RAB10: variants seen among roughly 807,000 people sequenced by gnomAD.
The protein encoded by RAB10 is ras-related protein Rab-10.
Under a neutral mutation model 25.7 loss-of-function variants are expected in RAB10, and 5 were observed. That is an observed-to-expected ratio of 0.19 (90% CI 0.10 to 0.41). The LOEUF is 0.41. RAB10 is among the 10% of genes least tolerant of loss of function. The pLI, the probability that RAB10 is intolerant of heterozygous loss-of-function variation, is 1.00. For synonymous variants in RAB10, 89 were observed against 86.4 expected, an observed-to-expected ratio of 1.03 and a Z score of -0.16; for missense variants, 103 against 245.8, an observed-to-expected ratio of 0.42 and a Z score of 3.89.
At chr2:26,070,127 T>A (rs1352222514) in intron 1 of RAB10, among the ~76,000 whole-genome samples, 1 of 152,248 alleles carries the variant, frequency 6.6e-6, no homozygotes, top group East Asian at 1.9e-4. Context: ...CACGAATTCT[T>A]CTAGAGATCC....
At chr2:26,058,506 T>G (rs1666315544) in intron 1 of RAB10, among the ~76,000 whole-genome samples, 1 of 152,122 alleles carries the variant, frequency 6.6e-6, no homozygotes, top group African/African-American at 2.4e-5. Flanking sequence ...CAAGCAGTCC[T>G]CCCACCTCAG....
At chr2:26,036,922 G>C (rs1413203498) in intron 1 of RAB10, among the ~76,000 whole-genome samples, 1 of 151,928 alleles carries the variant, frequency 6.6e-6, no homozygotes, top group African/African-American at 2.4e-5. Context: ...GAGTAGCAGA[G>C]ACTACAGGTG....
At chr2:26,090,885 G>A (rs1325960771) in intron 1 of RAB10, among the ~76,000 whole-genome samples, 2 of 151,070 alleles carry the variant, frequency 1.3e-5, no homozygotes, top group Non-Finnish European at 2.9e-5. Flanking sequence ...AGTGAGCTGA[G>A]ATCATGCCAC....
chr2:26,078,341 C>T (rs186986104), intron 1 of RAB10, among the ~76,000 whole-genome samples: 31 of 152,168 alleles, frequency 2.0e-4, no homozygotes, highest in Non-Finnish European at 4.6e-4. Flanking sequence ...TATGGAAATA[C>T]AGAGGACCCT....
chr2:26,115,407 C>T (rs190667541), intron 3 of RAB10, among the ~76,000 whole-genome samples: 220 of 152,094 alleles, frequency 1.4e-3, no homozygotes, highest in African/African-American at 5.2e-3. Flanking sequence ...CATCACTCAG[C>T]CATTAAAAGG....
chr2:26,067,513 A>G (rs576837294), intron 1 of RAB10, among the ~76,000 whole-genome samples: 1 of 152,222 alleles, frequency 6.6e-6, no homozygotes, highest in Non-Finnish European at 1.5e-5. Flanking sequence ...GCCATGGCAC[A>G]GATGATGGAT....
At chr2:26,126,492 C>A (rs934102752) in intron 3 of RAB10, among the ~76,000 whole-genome samples, 2 of 152,138 alleles carry the variant, frequency 1.3e-5, no homozygotes, top group African/African-American at 4.8e-5. Context: ...ACTCAAGAGG[C>A]TAAGGCAGGA....
chr2:26,051,161 TC>T (rs1666123797), intron 1 of RAB10, among the ~76,000 whole-genome samples: 1 of 152,138 alleles, frequency 6.6e-6, no homozygotes, highest in Non-Finnish European at 1.5e-5. Context: ...TGATCTTAAC[TC>T]CTGGGCTCAA....
chr2:26,069,767 A>G (rs1475373409), intron 1 of RAB10, among the ~76,000 whole-genome samples: 3 of 151,018 alleles, frequency 2.0e-5, no homozygotes, highest in African/African-American at 7.3e-5. Context: ...GAGCAGTGGC[A>G]TGATCTCATC....
chr2:26,117,253 T>A (rs1667709325), intron 3 of RAB10, among the ~76,000 whole-genome samples: 1 of 152,096 alleles, frequency 6.6e-6, no homozygotes, highest in Non-Finnish European at 1.5e-5. Context: ...ACTCTTGGGA[T>A]CAGTGTTTTT....
chr2:26,095,372 C>A (rs988809390), intron 1 of RAB10, among the ~76,000 whole-genome samples: 3 of 152,068 alleles, frequency 2.0e-5, no homozygotes, highest in Admixed American at 2.0e-4. Flanking sequence ...CTTTAGGAGG[C>A]CAAGGTGGGC....
At chr2:26,115,859 TG>T (rs1159615246) in intron 3 of RAB10, among the ~76,000 whole-genome samples, 6 of 91,156 alleles carry the variant, frequency 6.6e-5, no homozygotes, top group Non-Finnish European at 9.7e-5. Context: ...TTGTTATTAC[TG>T]TTTTTTTTTT....
intron 1 of RAB10, among the ~76,000 whole-genome samples, chr2:26,081,727 G>A (rs541372646): frequency 6.6e-6 from 1 of 152,046 alleles, no homozygotes; most frequent in South Asian, 2.1e-4. Context: ...AAGTTATTTC[G>A]AAATAAAAAG....
At chr2:26,099,211 A>AATGTGTTTT (rs11281600) in intron 2 of RAB10, among the ~76,000 whole-genome samples, 125,704 of 151,674 alleles carry the variant, frequency 0.83, 52,425 homozygotes, top group African/African-American at 0.93. Flanking sequence ...TTTTCCAGCA[A>AATGTGTTTT]ATGTGTATTA....
chr2:26,068,805 A>T lies in RAB10; in HGVS notation c.128-29857A>T, dbSNP rs552322887. ...TCCTCAGACGTTGTGGGCAAGGCTT[A>T]AAACCAGCTAAGCAAATTTAGTGAT... On this transcript the variant is annotated intron_variant, in intron 1 of 5. Transcript: ENST00000264710. Among the ~76,000 whole-genome samples the T allele has an allele frequency of 3.7e-4, 56 of 152,344 alleles. No homozygotes were observed. The South Asian group carries it at 3.9e-3, about 11-fold the overall frequency.
chr2:26,077,051 G>A (rs1009332170), intron 1 of RAB10, among the ~76,000 whole-genome samples: 3 of 151,978 alleles, frequency 2.0e-5, no homozygotes, highest in South Asian at 2.1e-4. Context: ...AATTACACAT[G>A]CCAAATTTAA....
At chr2:26,122,367 G>A (rs1667822149) in intron 3 of RAB10, among the ~76,000 whole-genome samples, 2 of 152,278 alleles carry the variant, frequency 1.3e-5, no homozygotes, top group South Asian at 2.1e-4. Flanking sequence ...GGTGGCTCAC[G>A]CCTGTAATCC....
At chr2:26,100,629 G>C (rs1359215562) in intron 2 of RAB10, among the ~76,000 whole-genome samples, 1 of 152,152 alleles carries the variant, frequency 6.6e-6, no homozygotes, top group Non-Finnish European at 1.5e-5. Flanking sequence ...CAGGCCAGAG[G>C]CATATCAATC....
At chr2:26,050,960 C>T (rs776397014) in intron 1 of RAB10, among the ~76,000 whole-genome samples, 20 of 151,612 alleles carry the variant, frequency 1.3e-4, no homozygotes, top group South Asian at 1.0e-3. Context: ...GCTCTGTCTC[C>T]CAGGCTAGAG....
Sources: allele counts gnomAD v4.1 joint callset (sites outside exome capture counted in the v4.1 genomes callset), GRCh38; gene constraint gnomAD v4.1.1; transcripts MANE v1.5; gene names NCBI Gene and HGNC (gene_info 2026-07-23, HGNC 2026-07-21).